PRMT3: variants seen among roughly 807,000 people sequenced by gnomAD.
PRMT3 encodes protein arginine N-methyltransferase 3.
In PRMT3, 62 loss-of-function variants were observed where a neutral mutation model predicts 71.9. The observed-to-expected ratio is 0.86, with a 90% confidence interval of 0.70 to 1.07. The LOEUF (loss-of-function observed/expected upper bound fraction) is 1.07. Ranked by LOEUF, PRMT3 falls within the 50% of genes least tolerant of loss-of-function variation. PRMT3 has a pLI of 0.00. For missense variants in PRMT3, 663 were observed against 643.0 expected (o/e 1.03, Z -0.34); for synonymous variants, 213 against 220.4 (o/e 0.97, Z 0.30).
At position 20,452,108 on chromosome 11, in the gene PRMT3, TTTTTCCC is replaced by T. The variant is rs776719036; in HGVS notation, c.994-21_994-15del. ...GAGTATTGCACATTTCTAAACTCTT[TTTTTCCC>T]CTTTTTTTATGCAGGGCTATTTTCT... On this transcript the variant is annotated splice_polypyrimidine_tract_variant and intron_variant, in intron 10 of 15. Coordinates refer to ENST00000331079, the MANE Select transcript of PRMT3 (RefSeq NM_005788.4). The T allele has an allele frequency of 4.7e-5, 73 of 1,541,328 alleles. No homozygotes were observed. The highest frequency in any genetic ancestry group is 6.5e-5 in the Non-Finnish European group (73 of 1,116,102).
intron 8 of PRMT3, 69 bp from the exon 9 acceptor site, chr11:20,407,842 A>C: frequency 7.1e-7 from 1 of 1,409,918 alleles, no homozygotes; most frequent in Non-Finnish European, 9.7e-7. Flanking sequence ...ATAATATATG[A>C]ATAGAATTTA....
Position 20,397,587 on chromosome 11 carries a change from C to T in PRMT3, c.571C>T (p.Gln191Ter), listed in dbSNP as rs1250950232. Reference protein sequence around the residue: ...EDLQKMKQFAQDFVMHTDVRT... With the variant: ...EDLQKMKQFA Reference sequence around the variant, plus strand: ...TCAAATTGATTACAGACAATTTGCTCAGGATTTTGTGATGCACACAGATGT... The same window carrying T: ...TCAAATTGATTACAGACAATTTGCTTAGGATTTTGTGATGCACACAGATGT... The change falls in exon 7 of 16, where the codon CAG (glutamine) becomes TAG (stop). Residue 191 changes from glutamine (Q) to a stop codon, truncating the protein, a stop_gained. Coordinates refer to ENST00000331079, the MANE Select transcript of PRMT3 (RefSeq NM_005788.4). LOFTEE classifies it high-confidence loss of function. 29 of 1,613,798 alleles carry T rather than the reference C, an allele frequency of 1.8e-5. No individual in the cohort carries two copies. The highest frequency in any genetic ancestry group is 1.6e-4 in the Middle Eastern group (1 of 6,084).
intron 9 of PRMT3, 88 bp downstream of exon 9, chr11:20,408,120 G>C (rs934089573): frequency 7.3e-5 from 67 of 914,992 alleles, no homozygotes; most frequent in Non-Finnish European, 9.1e-5. Flanking sequence ...GCTATCTAAG[G>C]CAGACTAAAG....
chr11:20,458,417 T>C (rs1850314771), intron 11 of PRMT3, among the ~76,000 whole-genome samples: 1 of 152,210 alleles, frequency 6.6e-6, no homozygotes, highest in South Asian at 2.1e-4. Context: ...ACAAATGAAT[T>C]CTGGGCAGTG....
At chr11:20,480,435 A>G (rs557503473) in intron 13 of PRMT3, among the ~76,000 whole-genome samples, 3 of 152,270 alleles carry the variant, frequency 2.0e-5, no homozygotes, top group East Asian at 1.9e-4. Context: ...CAGTAGTTTG[A>G]TAGGTTTAAG....
chr11:20,420,702 G>A lies in PRMT3; in HGVS notation c.894-6064G>A, dbSNP rs536891284. On this transcript the variant is annotated intron_variant, in intron 9 of 15. Coordinates refer to ENST00000331079, the MANE Select transcript of PRMT3 (RefSeq NM_005788.4). ...GTCTTCCACGAAACTGGCCCCTGGT[G>A]CCAAAAAGGTTGGGGACTGCTGATA... Among the ~76,000 whole-genome samples the A allele has an allele frequency of 2.6e-5, 4 of 152,280 alleles. No individual in the cohort carries two copies. The East Asian group carries it at 7.7e-4, about 29-fold the overall frequency.
chr11:20,412,426 C>G (rs938610688), intron 9 of PRMT3, among the ~76,000 whole-genome samples: 26 of 151,450 alleles, frequency 1.7e-4, no homozygotes, highest in African/African-American at 5.8e-4. Flanking sequence ...TTTGAAGTAT[C>G]AGAGAGTTCC....
intron 11 of PRMT3, among the ~76,000 whole-genome samples, chr11:20,459,079 A>G (rs936455334): frequency 2.3e-4 from 35 of 152,120 alleles, no homozygotes; most frequent in African/African-American, 8.0e-4. Flanking sequence ...ACTGTAGTGT[A>G]GTGTGGCCAT....
Position 20,417,607 on chromosome 11 carries a change from A to C in PRMT3, c.894-9159A>C, listed in dbSNP as rs181465531. On this transcript the variant is annotated intron_variant, in intron 9 of 15. Transcript: ENST00000331079. The stretch of plus-strand genomic sequence containing the variant: ...TTTAATCCTATATTTTTTATTCCAA[A>C]GATCCTGAAATGACTCTTCATTATC... 2.6e-5 allele frequency among the ~76,000 whole-genome samples: 4 copies of C among 152,326 alleles called. No homozygotes were observed. The East Asian group carries it at 7.7e-4, about 29-fold the overall frequency.
intron 15 of PRMT3, among the ~76,000 whole-genome samples, chr11:20,503,535 A>G (rs1851507435): frequency 6.6e-6 from 1 of 152,146 alleles, no homozygotes; most frequent in Non-Finnish European, 1.5e-5. Context: ...CCAGACCAAG[A>G]CAGTCACTGA....
intron 10 of PRMT3, among the ~76,000 whole-genome samples, chr11:20,440,446 C>G (rs1363434113): frequency 6.9e-6 from 1 of 145,484 alleles, no homozygotes; most frequent in East Asian, 2.1e-4. Context: ...GAGATTGAGA[C>G]CATCCTGGCT....
intron 4 of PRMT3, 34 bp downstream of exon 4, chr11:20,392,294 G>C (rs778924711): frequency 1.3e-6 from 2 of 1,525,852 alleles, no homozygotes; most frequent in Admixed American, 2.0e-5. Context: ...ATTTCGTTTA[G>C]AAATCAAAGA....
intron 8 of PRMT3, among the ~76,000 whole-genome samples, chr11:20,403,629 C>G (rs1157513371): frequency 6.6e-6 from 1 of 151,174 alleles, no homozygotes; most frequent in Non-Finnish European, 1.5e-5. Context: ...TTCCCTCTCT[C>G]TTTTCCTCTC....
intron 15 of PRMT3, among the ~76,000 whole-genome samples, chr11:20,499,941 C>T (rs1380152125): frequency 6.6e-6 from 1 of 152,106 alleles, no homozygotes; most frequent in Non-Finnish European, 1.5e-5. Flanking sequence ...ATGGAGCAGC[C>T]ATCAAGATCT....
chr11:20,403,411 A>T (rs1427464887), intron 8 of PRMT3, among the ~76,000 whole-genome samples: 1 of 152,184 alleles, frequency 6.6e-6, no homozygotes, highest in East Asian at 1.9e-4. Flanking sequence ...AGGGTTCACT[A>T]TGGTAGTATA....
rs1326874756 is a variant in PRMT3 at position 20,389,678 on chromosome 11, T to A, written c.165-66T>A. The A allele has an allele frequency of 2.7e-6, 3 of 1,100,918 alleles. No individual in the cohort carries two copies. The East Asian group carries it at 7.4e-5, about 27-fold the overall frequency. The allele number at this position is 1,100,918 out of a possible 1,614,324, so 68.2% of individuals were successfully genotyped here. ...TAAAAAAAAAAAAAAAGTGTATATGTAACATGAAATCAGTATTTAGACTTC... is the reference window on the plus strand; with the variant it reads ...TAAAAAAAAAAAAAAAGTGTATATGAAACATGAAATCAGTATTTAGACTTC... On this transcript the variant is annotated intron_variant, in intron 2 of 15. Transcript: ENST00000331079.
intron 10 of PRMT3, among the ~76,000 whole-genome samples, chr11:20,444,769 C>A (rs950244072): frequency 1.3e-5 from 2 of 152,056 alleles, no homozygotes; most frequent in African/African-American, 4.8e-5. Context: ...TCAAGTTGTT[C>A]AGGTCTTTTA....
At chr11:20,468,855 C>T (rs1412668471) in intron 13 of PRMT3, among the ~76,000 whole-genome samples, 1 of 151,956 alleles carries the variant, frequency 6.6e-6, no homozygotes, top group Non-Finnish European at 1.5e-5. Context: ...TCATGAAAAA[C>T]ATTATCTTCT....
At chr11:20,455,833 T>C (rs2133392832) in intron 11 of PRMT3, among the ~76,000 whole-genome samples, 1 of 151,880 alleles carries the variant, frequency 6.6e-6, no homozygotes. Flanking sequence ...GCAAATTCTA[T>C]TGAGACAATT....
Sources: allele counts gnomAD v4.1 joint callset (sites outside exome capture counted in the v4.1 genomes callset), GRCh38; gene constraint gnomAD v4.1.1; transcripts MANE v1.5; gene names NCBI Gene and HGNC (gene_info 2026-07-23, HGNC 2026-07-21).